The following NREP variants were observed in gnomAD, a reference collection of about 807,000 sequenced individuals.
NREP encodes neuronal regeneration-related protein.
NREP carries 5 observed loss-of-function variants against 8.6 expected under a neutral mutation model. The ratio of observed to expected loss-of-function variants is 0.58; its 90% confidence interval spans 0.30 to 1.22. The LOEUF (loss-of-function observed/expected upper bound fraction) is 1.22. Among genes scored for constraint, NREP ranks in the 50% most tolerant of loss-of-function variants. The probability of loss-of-function intolerance (pLI) is 0.07; values close to 1 mark genes in which losing one functional copy is unlikely to be tolerated. For missense variants in NREP, 86 were observed against 82.5 expected, an observed-to-expected ratio of 1.04 and a Z score of -0.17; for synonymous variants, 27 against 28.0, an observed-to-expected ratio of 0.96 and a Z score of 0.11.
chr5:111,939,658 T>C (rs1755777484), intron 2 of NREP, among the ~76,000 whole-genome samples: 1 of 152,046 alleles, frequency 6.6e-6, no homozygotes, highest in East Asian at 1.9e-4. Flanking sequence ...CGTAAACAAG[T>C]GTCCTTTTCA....
chr5:111,792,159 C>G (rs1751764057), intron 2 of NREP, among the ~76,000 whole-genome samples: 1 of 152,212 alleles, frequency 6.6e-6, no homozygotes, highest in African/African-American at 2.4e-5. Context: ...AAGAAATTCA[C>G]ATATAATTGA....
chr5:111,871,846 C>CTATATATA (rs141111202), intron 2 of NREP, among the ~76,000 whole-genome samples: 1 of 144,422 alleles, frequency 6.9e-6, no homozygotes, highest in Non-Finnish European at 1.5e-5. Flanking sequence ...GTAGTACAGA[C>CTATATATA]TATATATATA....
intron 2 of NREP, among the ~76,000 whole-genome samples, chr5:111,844,143 T>C (rs973287984): frequency 2.6e-5 from 4 of 152,140 alleles, no homozygotes; most frequent in African/African-American, 9.7e-5. Context: ...TTTAAAAAGA[T>C]AGAATAAAAG....
At chr5:111,876,721 T>C in intron 2 of NREP, among the ~76,000 whole-genome samples, 1 of 152,232 alleles carries the variant, frequency 6.6e-6, no homozygotes, top group Non-Finnish European at 1.5e-5. Context: ...TCCATAACAT[T>C]AATCAAATTT....
intron 2 of NREP, among the ~76,000 whole-genome samples, chr5:111,840,372 T>G (rs1753000531): frequency 6.6e-6 from 1 of 152,078 alleles, no homozygotes; most frequent in Admixed American, 6.6e-5. Flanking sequence ...TTGCCTTGTA[T>G]GTAAATTTAA....
At chr5:111,865,969 T>TG (rs1281086367) in intron 2 of NREP, among the ~76,000 whole-genome samples, 1 of 152,118 alleles carries the variant, frequency 6.6e-6, no homozygotes, top group Non-Finnish European at 1.5e-5. Flanking sequence ...AAATACACGA[T>TG]GGGGACACAT....
intron 2 of NREP, chr5:111,969,454 T>C (rs376886537): frequency 6.6e-6 from 1 of 152,182 alleles, no homozygotes; most frequent in Non-Finnish European, 1.5e-5. Flanking sequence ...TAATCTTGGG[T>C]TGTATTAATA....
chr5:111,819,392 G>C (rs763290456), intron 2 of NREP, among the ~76,000 whole-genome samples: 2 of 152,210 alleles, frequency 1.3e-5, no homozygotes, highest in Non-Finnish European at 1.5e-5. Context: ...CCTGTGTCAG[G>C]AATAAGAACC....
At chr5:111,816,166 A>C (rs918414024) in intron 2 of NREP, among the ~76,000 whole-genome samples, 4 of 152,142 alleles carry the variant, frequency 2.6e-5, no homozygotes, top group African/African-American at 9.7e-5. Context: ...TATATTTCCA[A>C]AAAAAAGTTT....
intron 2 of NREP, among the ~76,000 whole-genome samples, chr5:111,781,047 G>T (rs950183203): frequency 2.6e-5 from 4 of 151,918 alleles, no homozygotes; most frequent in African/African-American, 9.7e-5. Context: ...TTTTATATAG[G>T]TCAACTTGTG....
intron 2 of NREP, among the ~76,000 whole-genome samples, chr5:111,885,544 A>G (rs1376549056): frequency 6.6e-6 from 1 of 152,200 alleles, no homozygotes; most frequent in African/African-American, 2.4e-5. Context: ...ACAAAGCTGG[A>G]GGCATCACGC....
rs530778709 is a variant in NREP, at chr5:111,936,783, T to C, written c.135+38491A>G. Among the ~76,000 whole-genome samples the C allele has an allele frequency of 3.9e-4, 60 of 152,222 alleles. 1 individual carries two copies. Among genetic ancestry groups the C allele is most frequent in the African/African-American group, 1.4e-3 (58 of 41,570 alleles). ...TTTTTACTAAAGGTGCACAGAAAAG[T>C]AATCGTAACACAGCAAAGAAAATGA... On this transcript the variant is annotated intron_variant, in intron 2 of 3. Coordinates refer to the NREP transcript ENST00000395634.
At chr5:111,788,961 A>G (rs1751676731) in intron 2 of NREP, among the ~76,000 whole-genome samples, 1 of 152,216 alleles carries the variant, frequency 6.6e-6, no homozygotes, top group Admixed American at 6.5e-5. Flanking sequence ...GAACTGGAGC[A>G]TCAGCTCTTC....
chr5:111,879,953 A>G (rs923194060), intron 2 of NREP, among the ~76,000 whole-genome samples: 2 of 152,214 alleles, frequency 1.3e-5, no homozygotes, highest in African/African-American at 4.8e-5. Context: ...GTCTCCAAAT[A>G]TCATCACCTT....
chr5:111,866,626 C>T (rs1392498412), intron 2 of NREP, among the ~76,000 whole-genome samples: 4 of 149,702 alleles, frequency 2.7e-5, no homozygotes, highest in African/African-American at 1.0e-4. Context: ...ACCGTTTGAC[C>T]CAGCCATCCC....
intron 2 of NREP, among the ~76,000 whole-genome samples, chr5:111,905,329 G>A (rs1754755701): frequency 6.6e-6 from 1 of 152,088 alleles, no homozygotes; most frequent in Non-Finnish European, 1.5e-5. Context: ...ATTCCAACCA[G>A]CAAACGAATG....
chr5:111,889,057 A>G (rs1486361238), intron 2 of NREP, among the ~76,000 whole-genome samples: 2 of 152,236 alleles, frequency 1.3e-5, no homozygotes, highest in African/African-American at 4.8e-5. Context: ...GAGCATGTAC[A>G]CAGATGTTCA....
At chr5:111,856,987 G>C (rs1753441149) in intron 2 of NREP, among the ~76,000 whole-genome samples, 1 of 152,068 alleles carries the variant, frequency 6.6e-6, no homozygotes, top group Non-Finnish European at 1.5e-5. Flanking sequence ...TTTTGTTTCT[G>C]TATGTTTCAG....
chr5:111,764,642 A>G (rs1454557199), intron 2 of NREP, among the ~76,000 whole-genome samples: 1 of 152,202 alleles, frequency 6.6e-6, no homozygotes, highest in Non-Finnish European at 1.5e-5. Context: ...TTGGATGGGG[A>G]CACAGCCAAA....
Sources: gnomAD v4.1 joint callset for allele counts (sites outside exome capture counted in the v4.1 genomes callset) on GRCh38, gnomAD v4.1.1 for gene constraint, MANE v1.5 for transcripts, NCBI Gene and HGNC (gene_info 2026-07-23, HGNC 2026-07-21) for gene names.